Variants in TMEM202 observed in about 807,000 individuals in gnomAD.
The protein encoded by TMEM202 is transmembrane protein 202.
Under a neutral mutation model 26.1 loss-of-function variants are expected in TMEM202, and 25 were observed. The observed-to-expected ratio is 0.96, with a 90% CI of 0.70 to 1.34. The LOEUF (loss-of-function observed/expected upper bound fraction) is 1.34, where lower values mean the gene tolerates loss of function less well. TMEM202 is among the 40% of genes most tolerant of loss of function. The pLI, the probability that TMEM202 is intolerant of heterozygous loss-of-function variation, is 0.00. For missense variants in TMEM202, 301 were observed against 327.7 expected, an observed-to-expected ratio of 0.92 and a Z score of 0.63; for synonymous variants, 122 against 119.0, an observed-to-expected ratio of 1.02 and a Z score of -0.16.
chr15:72,398,647 T>C lies in TMEM202; in HGVS notation c.82-6T>C, dbSNP rs2063532919. On this transcript the variant is annotated splice_polypyrimidine_tract_variant and splice_region_variant and intron_variant, in intron 1 of 4. Coordinates refer to ENST00000341689, the MANE Select transcript of TMEM202 (RefSeq NM_001080462.3). ...CGGGTAGGCAATATTTCCCTCATCCTTGTAGCCTACCGTCCCTGCCAAGAA... is the reference window on the plus strand; with the variant it reads ...CGGGTAGGCAATATTTCCCTCATCCCTGTAGCCTACCGTCCCTGCCAAGAA... 1 of 1,613,860 alleles carries C rather than the reference T, an allele frequency of 6.2e-7. No homozygotes were observed. Among genetic ancestry groups the C allele is most frequent in the Admixed American group, 1.7e-5 (1 of 59,984 alleles).
chr15:72,402,093 G>A (rs2063550071), intron 2 of TMEM202, among the ~76,000 whole-genome samples: 1 of 152,080 alleles, frequency 6.6e-6, no homozygotes, highest in South Asian at 2.1e-4. Context: ...AGCCTCCCAA[G>A]TAGCTGGGAT....
chr15:72,408,035 C>T lies in TMEM202; in HGVS notation c.*142C>T, dbSNP rs557604212. 18 of 644,554 alleles carry T rather than the reference C, an allele frequency of 2.8e-5. No homozygotes were observed. Among genetic ancestry groups the T allele is most frequent in the African/African-American group, 1.5e-4 (8 of 54,720 alleles). The allele number at this position is 644,554 out of a possible 1,614,324, so 39.9% of individuals were successfully genotyped here. A position where few individuals can be genotyped will look rare whatever the true frequency, so the allele number is the denominator to read the frequency against. On this transcript the variant is annotated 3_prime_UTR_variant, in exon 5 of 5. Coordinates refer to ENST00000341689, the MANE Select transcript of TMEM202 (RefSeq NM_001080462.3). Reference sequence around the variant, plus strand: ...ATTAAAGCTGATGAAATGTCTTTTGCGTGCATTGGATCCAAAATATATATG... The same window carrying T: ...ATTAAAGCTGATGAAATGTCTTTTGTGTGCATTGGATCCAAAATATATATG...
In TMEM202 at chr15:72,406,749, C is replaced by G; in HGVS notation, c.485C>G (p.Ser162Ter). 1 of 1,614,052 alleles carries G rather than the reference C, an allele frequency of 6.2e-7. No homozygotes were observed. The highest frequency in any genetic ancestry group is 1.1e-5 in the South Asian group (1 of 91,052). Residue 162 changes from serine (S) to a stop codon, truncating the protein, a stop_gained and splice_region_variant, in exon 3 of 5, where the codon TCA becomes TGA. Transcript: ENST00000341689. LOFTEE classifies it high-confidence loss of function. ...AAGGTATCCATGCTCAGCTTCATCT[C>G]AGGTACAGACCTAGACTGGCAGGGT... ...DLKVSMLSFI[S>*]ATCLLLCLNL...
rs1302794654 is a variant in TMEM202, at chr15:72,398,777, T to A, written c.206T>A (p.Leu69Gln). 2 of 1,614,078 alleles carry A rather than the reference T, an allele frequency of 1.2e-6. No homozygotes were observed. Among genetic ancestry groups the A allele is most frequent in the Admixed American group, 1.7e-5 (1 of 60,000 alleles). ...LCGSLCSFSL[L>Q]MLIAMSPLNW... ...GGCAGCCTCTGTAGTTTTAGCCTCC[T>A]AATGCTGATCGCCATGTCCCCACTG... Residue 69 changes from leucine (L) to glutamine (Q), a missense_variant, in exon 2 of 5, where the codon CTA becomes CAA. By Grantham distance (113) the Leu-to-Gln change is moderately radical (BLOSUM62 -2). Transcript: ENST00000341689.
At chr15:72,404,542 CCAGT>C (rs914882424) in intron 2 of TMEM202, among the ~76,000 whole-genome samples, 1 of 152,092 alleles carries the variant, frequency 6.6e-6, no homozygotes, top group African/African-American at 2.4e-5. Context: ...ATCAAGCCAG[CCAGT>C]CACTCAGATT....
chr15:72,398,580 T>C (rs922740881), intron 1 of TMEM202, 73 bp from the exon 2 acceptor site: 29 of 1,573,242 alleles, frequency 1.8e-5, no homozygotes, highest in East Asian at 6.8e-5. Flanking sequence ...ATGCTTGAGG[T>C]AGAGAAGAGC....
intron 2 of TMEM202, among the ~76,000 whole-genome samples, chr15:72,404,461 A>G (rs1471891686): frequency 6.6e-6 from 1 of 152,146 alleles, no homozygotes; most frequent in African/African-American, 2.4e-5. Context: ...AGAATAACAT[A>G]GACTCCCAAG....
At chr15:72,404,878 C>T in intron 2 of TMEM202, among the ~76,000 whole-genome samples, 1 of 152,194 alleles carries the variant, frequency 6.6e-6, no homozygotes, top group East Asian at 1.9e-4. Context: ...GCCTGTTACC[C>T]TGGGCTTCAT....
At chr15:72,401,107 G>A (rs1595824191) in intron 2 of TMEM202, among the ~76,000 whole-genome samples, 1 of 152,152 alleles carries the variant, frequency 6.6e-6, no homozygotes, top group Non-Finnish European at 1.5e-5. Context: ...GCGGGTTTTG[G>A]CTGGCTTCTT....
chr15:72,407,827 A>C lies in TMEM202; in HGVS notation c.756A>C (p.Pro252=). The change falls in exon 5 of 5, where the codon CCA becomes CCC. Residue 252 remains proline, a synonymous_variant. Transcript: ENST00000341689. ...TATCACCTGCTAAAGATGAAGGGCC[A>C]AGGTCTGAGATGGAATCTCTAAGTG... ...TTVSPAKDEG[P]RSEMESLSVR... 6.2e-7 allele frequency: 1 copy of C among 1,614,134 alleles called. No individual in the cohort carries two copies. The highest frequency in any genetic ancestry group is 8.5e-7 in the Non-Finnish European group (1 of 1,180,024).
intron 2 of TMEM202, among the ~76,000 whole-genome samples, chr15:72,402,410 G>A (rs577921934): frequency 6.6e-6 from 1 of 152,276 alleles, no homozygotes; most frequent in East Asian, 1.9e-4. Context: ...TATCTCAGGT[G>A]TGTTTAAGAA....
intron 1 of TMEM202, 49 bp from the exon 2 acceptor site, chr15:72,398,604 G>A: frequency 6.2e-7 from 1 of 1,603,682 alleles, no homozygotes; most frequent in Non-Finnish European, 8.5e-7. Context: ...TGACCCTGGG[G>A]ATCAGGGGTT....
rs754443614 is a variant in TMEM202 at position 72,398,401 on chromosome 15, C to A, written c.75C>A (p.Tyr25Ter). 4 of 1,610,430 alleles carry A rather than the reference C, an allele frequency of 2.5e-6. No individual in the cohort carries two copies. In the African/African-American group the frequency reaches 5.4e-5, roughly 22 times the overall value. Residue 25 changes from tyrosine to a stop codon, truncating the protein, a stop_gained, in exon 1 of 5, where the codon TAC becomes TAA. Coordinates refer to ENST00000341689, the MANE Select transcript of TMEM202 (RefSeq NM_001080462.3). LOFTEE classifies it high-confidence loss of function. Reference protein sequence around the residue: ...EVPKIKGNRKYQRPTVPAKKH... With the variant: ...EVPKIKGNRK ...CCAAAATAAAGGGGAACCGGAAATACCAAAGGGTGAGGAGGTATCTAATTG... is the reference window on the plus strand; with the variant it reads ...CCAAAATAAAGGGGAACCGGAAATAACAAAGGGTGAGGAGGTATCTAATTG...
chr15:72,398,424 T>C lies in TMEM202; in HGVS notation c.81+17T>C, dbSNP rs1182305658. On this transcript the variant is annotated intron_variant, in intron 1 of 4. Transcript: ENST00000341689. Reference sequence around the variant, plus strand: ...TACCAAAGGGTGAGGAGGTATCTAATTGAAAGTCAGATGGGAAGAAGAGAA... The same window carrying C: ...TACCAAAGGGTGAGGAGGTATCTAACTGAAAGTCAGATGGGAAGAAGAGAA... 1 of 1,595,506 alleles carries C rather than the reference T, an allele frequency of 6.3e-7. No individual in the cohort carries two copies. The highest frequency in any genetic ancestry group is 8.6e-7 in the Non-Finnish European group (1 of 1,168,440).
Position 72,407,817 on chromosome 15 carries a change from A to T in TMEM202, c.746A>T (p.Asp249Val). 6.2e-7 allele frequency: 1 copy of T among 1,614,114 alleles called. No individual in the cohort carries two copies. ...GPVTTVSPAK[D>V]EGPRSEMESL... ...GTGACTACAGTATCACCTGCTAAAG[A>T]TGAAGGGCCAAGGTCTGAGATGGAA... Residue 249 changes from aspartate (D) to valine (V), a missense_variant, in exon 5 of 5, where the codon GAT becomes GTT. Asp to Val is a radical substitution (Grantham distance 152). Coordinates refer to ENST00000341689, the MANE Select transcript of TMEM202 (RefSeq NM_001080462.3).
intron 2 of TMEM202, among the ~76,000 whole-genome samples, chr15:72,401,021 T>A (rs1460733517): frequency 2.0e-5 from 3 of 152,316 alleles, no homozygotes; most frequent in East Asian, 1.9e-4. Context: ...TCTTTTAGTA[T>A]GCTAATGCAT....
intron 2 of TMEM202, among the ~76,000 whole-genome samples, chr15:72,399,412 A>G (rs1264950444): frequency 2.0e-5 from 3 of 152,224 alleles, no homozygotes; most frequent in African/African-American, 7.2e-5. Context: ...AAGTACCAGG[A>G]CTATAGGTGT....
chr15:72,399,478 A>C (rs546125036), intron 2 of TMEM202, among the ~76,000 whole-genome samples: 1 of 152,198 alleles, frequency 6.6e-6, no homozygotes, highest in African/African-American at 2.4e-5. Context: ...CTGCTAAGCA[A>C]TGTGATTGGT....
chr15:72,407,449 AGAC>A (rs1422594822), intron 4 of TMEM202, among the ~76,000 whole-genome samples: 4 of 152,184 alleles, frequency 2.6e-5, no homozygotes, highest in African/African-American at 7.2e-5. Context: ...AACTTGCCCA[AGAC>A]CACACAGAAA....
Sources: gnomAD v4.1 joint callset for allele counts (sites outside exome capture counted in the v4.1 genomes callset) on GRCh38, gnomAD v4.1.1 for gene constraint, MANE v1.5 for transcripts, NCBI Gene and HGNC (gene_info 2026-07-23, HGNC 2026-07-21) for gene names.